Variants in PARD3B observed in about 807,000 individuals in gnomAD.
The protein encoded by PARD3B is partitioning defective 3 homolog B.
PARD3B carries 103 observed loss-of-function variants against 130.2 expected under a neutral mutation model. The ratio of observed to expected loss-of-function variants is 0.79; its 90% CI spans 0.67 to 0.93. The LOEUF (loss-of-function observed/expected upper bound fraction) is 0.93, where lower values mean the gene tolerates loss of function less well. PARD3B is among the 40% of genes least tolerant of loss of function. PARD3B has a pLI of 0.00. For missense variants in PARD3B, 1,609 were observed against 1,499.2 expected (o/e 1.07, Z -1.21); for synonymous variants, 583 against 553.2 (o/e 1.05, Z -0.76).
Position 205,397,166 on chromosome 2 carries a change from T to A in PARD3B, c.2631-3847T>A, listed in dbSNP as rs750051918. Among the ~76,000 whole-genome samples the A allele has an allele frequency of 6.6e-6, 1 of 152,258 alleles. No individual in the cohort carries two copies. Among genetic ancestry groups the A allele is most frequent in the Non-Finnish European group, 1.5e-5 (1 of 68,044 alleles). On this transcript the variant is annotated intron_variant, in intron 18 of 22. Coordinates refer to ENST00000406610, the MANE Select transcript of PARD3B (RefSeq NM_001302769.2). This position sits in a 1 kb window ranked among gnomAD's most constrained non-coding sequence, Gnocchi z 4.8. ...TTAACAATGCGGGAGTTTTTGTTTT[T>A]GTTTTTAAGATTATTGTTTTATAAT... is the stretch of plus-strand genomic sequence containing the variant.
chr2:204,885,097 G>A (rs2046224443), intron 2 of PARD3B, among the ~76,000 whole-genome samples: 1 of 152,092 alleles, frequency 6.6e-6, no homozygotes, highest in African/African-American at 2.4e-5. Flanking sequence ...TCCCATCAAT[G>A]GCGTAAAAAC....
chr2:204,837,669 G>C (rs538608729), intron 2 of PARD3B, among the ~76,000 whole-genome samples: 8 of 152,222 alleles, frequency 5.3e-5, no homozygotes, highest in African/African-American at 1.9e-4. Flanking sequence ...AGTTTGTAAA[G>C]AGACCCTGCT....
chr2:204,983,350 A>T (rs958711120), intron 3 of PARD3B, among the ~76,000 whole-genome samples: 1 of 148,494 alleles, frequency 6.7e-6, no homozygotes, highest in South Asian at 2.2e-4. Flanking sequence ...GAAGGTTCCA[A>T]CCGAGGCTTT....
intron 15 of PARD3B, among the ~76,000 whole-genome samples, chr2:205,206,235 C>CTTTTTTTTTTTT (rs2037296264): frequency 9.0e-6 from 1 of 111,222 alleles, no homozygotes; most frequent in African/African-American, 3.5e-5. Flanking sequence ...TTTTATTATA[C>CTTTTTTTTTTTT]TTTAAGTTTT....
chr2:205,300,025 A>G lies in PARD3B; in HGVS notation c.2186-505A>G, dbSNP rs896681875. ...ATGCCCAGTATGTTCCTTACTAATC[A>G]TATGAGCAACCATGGCAATGATAAA... is the stretch of plus-strand genomic sequence containing the variant. On this transcript the variant is annotated intron_variant, in intron 16 of 22. Transcript: ENST00000406610. This position sits in a 1 kb window ranked among gnomAD's most constrained non-coding sequence, Gnocchi z 4.1. Among the ~76,000 whole-genome samples, 3 of 152,236 alleles carry G rather than the reference A, an allele frequency of 2.0e-5. No homozygotes were observed. The highest frequency in any genetic ancestry group is 7.2e-5 in the African/African-American group (3 of 41,468).
At chr2:205,534,323 G>C (rs948192996) in intron 21 of PARD3B, among the ~76,000 whole-genome samples, 1 of 152,204 alleles carries the variant, frequency 6.6e-6, no homozygotes, top group African/African-American at 2.4e-5. Flanking sequence ...CAAGCATGCT[G>C]TTTTCTACAA....
rs112229715 is a variant in PARD3B, at chr2:205,181,439, G to A, written c.1925-4325G>A. ...GTATTATTGTCCTTAAGAATAGTCT[G>A]AAGCAGGAGTCAAAAAACTTTGTCC... On this transcript the variant is annotated intron_variant, in intron 13 of 22. Transcript: ENST00000406610. 1.4e-3 allele frequency among the ~76,000 whole-genome samples: 213 copies of A among 152,332 alleles called. 1 individual carries two copies. The highest frequency in any genetic ancestry group is 4.6e-3 in the African/African-American group (191 of 41,580).
chr2:204,596,995 G>A (rs1268083982), intron 1 of PARD3B, among the ~76,000 whole-genome samples: 1 of 151,032 alleles, frequency 6.6e-6, no homozygotes, highest in African/African-American at 2.4e-5. Flanking sequence ...TTTCATGTAA[G>A]ATAAACCTAA....
rs1363171824 is a variant in PARD3B at position 205,562,212 on chromosome 2, C to A, written c.3260+8809C>A. On this transcript the variant is annotated intron_variant, in intron 22 of 22. Coordinates refer to ENST00000406610, the MANE Select transcript of PARD3B (RefSeq NM_001302769.2). The surrounding 1 kb of genome is among the most constrained non-coding windows in gnomAD (Gnocchi z 5.4). ...AGTCCATTTTAATCAAACTTTTCAT[C>A]ATTTCCTCGTAGCCAATATATCCTT... 6.6e-6 allele frequency among the ~76,000 whole-genome samples: 1 copy of A among 152,140 alleles called. No homozygotes were observed. The highest frequency in any genetic ancestry group is 2.4e-5 in the African/African-American group (1 of 41,422).
At chr2:204,752,430 C>T (rs1167038259) in intron 2 of PARD3B, among the ~76,000 whole-genome samples, 9 of 152,162 alleles carry the variant, frequency 5.9e-5, no homozygotes, top group South Asian at 2.1e-4. Flanking sequence ...CATACAAGCA[C>T]ACATCTAATG....
chr2:204,552,772 A>G (rs2030557414), intron 1 of PARD3B, among the ~76,000 whole-genome samples: 1 of 152,016 alleles, frequency 6.6e-6, no homozygotes, highest in African/African-American at 2.4e-5. Context: ...TCCCCACTTA[A>G]TGTTTTCGTT....
chr2:205,295,433 A>G (rs551233393), intron 16 of PARD3B, among the ~76,000 whole-genome samples: 1 of 152,326 alleles, frequency 6.6e-6, no homozygotes, highest in South Asian at 2.1e-4. Flanking sequence ...CCTTTATTTT[A>G]GAAGGAAGGA....
rs542510660 is a variant in PARD3B at position 204,676,535 on chromosome 2, C to T, written c.121-9646C>T. Among the ~76,000 whole-genome samples the T allele has an allele frequency of 3.9e-5, 6 of 152,112 alleles. No homozygotes were observed. In the South Asian group the frequency reaches 1.2e-3, roughly 32 times the overall value. ...TGTAGGTCTGAGAGTTGGAAGGGATCTTCAGGATCACAGAAGTTCCACGTC... is the reference window on the plus strand; with the variant it reads ...TGTAGGTCTGAGAGTTGGAAGGGATTTTCAGGATCACAGAAGTTCCACGTC... On this transcript the variant is annotated intron_variant, in intron 1 of 22. Coordinates refer to ENST00000406610, the MANE Select transcript of PARD3B (RefSeq NM_001302769.2).
At chr2:205,215,035 A>G (rs2037838857) in intron 15 of PARD3B, among the ~76,000 whole-genome samples, 1 of 152,114 alleles carries the variant, frequency 6.6e-6, no homozygotes, top group Non-Finnish European at 1.5e-5. Flanking sequence ...TGGGAATATC[A>G]TATCTGTAAA....
At chr2:204,729,351 G>T (rs374398442) in intron 2 of PARD3B, among the ~76,000 whole-genome samples, 6 of 152,086 alleles carry the variant, frequency 3.9e-5, no homozygotes, top group Non-Finnish European at 8.8e-5. Flanking sequence ...AACTCTCACC[G>T]TATTCCTTGG....
At chr2:205,149,696 A>G (rs1301453110) in intron 10 of PARD3B, among the ~76,000 whole-genome samples, 2 of 152,178 alleles carry the variant, frequency 1.3e-5, no homozygotes, top group Non-Finnish European at 2.9e-5. Flanking sequence ...ACTTGGAAAC[A>G]TATGAACAGG....
In PARD3B at chr2:205,385,777, G is replaced by T. The variant is rs555725444; in HGVS notation, c.2631-15236G>T. Among the ~76,000 whole-genome samples, 3 of 152,054 alleles carry T rather than the reference G, an allele frequency of 2.0e-5. 1 individual carries two copies. The South Asian group carries it at 6.2e-4, about 32-fold the overall frequency. On this transcript the variant is annotated intron_variant, in intron 18 of 22. Transcript: ENST00000406610. Reference sequence around the variant, plus strand: ...AAAAGCTCAATGAGATATACTTAAGGTAGCTACATTAATTAAAATGCATAT... The same window carrying T: ...AAAAGCTCAATGAGATATACTTAAGTTAGCTACATTAATTAAAATGCATAT...
chr2:204,598,073 T>G (rs536425610), intron 1 of PARD3B, among the ~76,000 whole-genome samples: 1 of 152,162 alleles, frequency 6.6e-6, no homozygotes, highest in Non-Finnish European at 1.5e-5. Flanking sequence ...CAGTTAAGAC[T>G]ATCAAATTAA....
chr2:205,156,250 T>C (rs1397565297), intron 10 of PARD3B, among the ~76,000 whole-genome samples: 16 of 40,976 alleles, frequency 3.9e-4, no homozygotes, highest in Non-Finnish European at 4.7e-4. Context: ...CATCACACTC[T>C]GGGGACTGTT....
Sources: gnomAD v4.1 joint callset for allele counts (sites outside exome capture counted in the v4.1 genomes callset) on GRCh38, gnomAD v4.1.1 for gene constraint, Gnocchi (gnomAD v3.1) non-coding constraint, MANE v1.5 for transcripts, NCBI Gene and HGNC (gene_info 2026-07-23, HGNC 2026-07-21) for gene names.